RCOR1: variants seen among roughly 807,000 people sequenced by gnomAD.
RCOR1 encodes the protein REST corepressor.
RCOR1 carries 12 observed loss-of-function variants against 64.0 expected under a neutral mutation model. The ratio of observed to expected loss-of-function variants is 0.19; its 90% CI spans 0.12 to 0.30. The LOEUF is 0.30. Among genes scored for constraint, RCOR1 ranks in the 10% least tolerant of loss-of-function variants. RCOR1 has a pLI of 1.00. For synonymous variants in RCOR1, 279 were observed against 227.2 expected, an observed-to-expected ratio of 1.23 and a Z score of -2.05; for missense variants, 502 against 621.2, an observed-to-expected ratio of 0.81 and a Z score of 2.04.
At chr14:102,675,454 A>G (rs1037952914) in intron 2 of RCOR1, among the ~76,000 whole-genome samples, 3 of 152,236 alleles carry the variant, frequency 2.0e-5, no homozygotes, top group Admixed American at 6.5e-5. Flanking sequence ...AACATCGCCA[A>G]TACTTTGGGG....
intron 2 of RCOR1, among the ~76,000 whole-genome samples, chr14:102,601,743 G>A (rs1425878695): frequency 1.3e-5 from 2 of 152,178 alleles, no homozygotes; most frequent in Non-Finnish European, 2.9e-5. Context: ...GCCTAGAGTA[G>A]CCTAGCCTTG....
intron 1 of RCOR1, 31 bp downstream of exon 1, chr14:102,593,218 C>T: frequency 6.8e-7 from 1 of 1,474,456 alleles, no homozygotes; most frequent in South Asian, 1.3e-5. Context: ...CGGCCCCGGG[C>T]CCCGCGCCCC....
intron 2 of RCOR1, among the ~76,000 whole-genome samples, chr14:102,665,430 TAGGTGTATTA>T (rs1241856287): frequency 6.6e-6 from 1 of 151,964 alleles, no homozygotes; most frequent in Non-Finnish European, 1.5e-5. Flanking sequence ...CCCATTAGGT[TAGGTGTATTA>T]AGTGCATTTT....
Position 102,649,794 on chromosome 14 carries a change from A to T in RCOR1, c.362-32101A>T, listed in dbSNP as rs181045279. The T allele has an allele frequency of 2.4e-4, 237 of 984,612 alleles. 1 individual carries two copies. The East Asian group carries it at 0.019, about 80-fold the overall frequency. 61.0% of individuals were successfully genotyped at this position (984,612 alleles called of 1,614,324 possible). On this transcript the variant is annotated intron_variant, in intron 2 of 11. Coordinates refer to ENST00000262241, the MANE Select transcript of RCOR1 (RefSeq NM_015156.4). ...AGCTAGAATGGGCTTTGTTTACTGTAAAAAATCTGGTTGACGAAATTGGCA... is the reference window on the plus strand; with the variant it reads ...AGCTAGAATGGGCTTTGTTTACTGTTAAAAATCTGGTTGACGAAATTGGCA...
At chr14:102,632,188 A>C (rs919695136) in intron 2 of RCOR1, among the ~76,000 whole-genome samples, 2 of 148,952 alleles carry the variant, frequency 1.3e-5, no homozygotes, top group African/African-American at 2.5e-5. Context: ...ATTGGCTTTG[A>C]ATTTCCTGAG....
intron 2 of RCOR1, among the ~76,000 whole-genome samples, chr14:102,634,870 TA>T (rs1420087276): frequency 7.0e-6 from 1 of 143,614 alleles, no homozygotes. Flanking sequence ...CTAATTTTTG[TA>T]TTTTTTTTTT....
chr14:102,714,070 A>G (rs1896013896), intron 7 of RCOR1, among the ~76,000 whole-genome samples: 1 of 152,274 alleles, frequency 6.6e-6, no homozygotes, highest in African/African-American at 2.4e-5. Context: ...TCATGTAGCT[A>G]AATACAGATG....
At chr14:102,596,311 C>T (rs573989390) in intron 2 of RCOR1, among the ~76,000 whole-genome samples, 8 of 152,230 alleles carry the variant, frequency 5.3e-5, no homozygotes, top group African/African-American at 1.7e-4. Flanking sequence ...CCATGTTGAT[C>T]AGGCTGGTCT....
chr14:102,607,153 G>A (rs1320697910), intron 2 of RCOR1, among the ~76,000 whole-genome samples: 1 of 151,960 alleles, frequency 6.6e-6, no homozygotes, highest in Non-Finnish European at 1.5e-5. Flanking sequence ...GGCTGGTCTC[G>A]AACTTCTAAC....
Position 102,592,713 on chromosome 14 carries a change from GA to G in RCOR1, c.-172del. 9 of 1,226,462 alleles carry G rather than the reference GA, an allele frequency of 7.3e-6. No individual in the cohort carries two copies. Among genetic ancestry groups the G allele is most frequent in the Non-Finnish European group, 9.1e-6 (9 of 984,630 alleles). The allele number at this position is 1,226,462 out of a possible 1,614,324, so 76.0% of individuals were successfully genotyped here. ...GCGCTCGGCTCGTCGCTGGGGGCTT[GA>G]AGCGGCTCCGCGCTCTGCCCGTTTG... On this transcript the variant is annotated 5_prime_UTR_variant, in exon 1 of 12. Coordinates refer to ENST00000262241, the MANE Select transcript of RCOR1 (RefSeq NM_015156.4).
At chr14:102,701,109 C>T (rs1323893239) in intron 3 of RCOR1, among the ~76,000 whole-genome samples, 169 bp from the exon 4 acceptor site, 1 of 152,208 alleles carries the variant, frequency 6.6e-6, no homozygotes, top group Admixed American at 6.5e-5. Flanking sequence ...TTGGGTCCCT[C>T]CTACAGCACT....
chr14:102,638,826 G>A (rs1320848612), intron 2 of RCOR1, among the ~76,000 whole-genome samples: 4 of 150,766 alleles, frequency 2.7e-5, no homozygotes, highest in Non-Finnish European at 5.9e-5. Flanking sequence ...CCACATCCGG[G>A]TAATGTTTGT....
chr14:102,657,709 G>A (rs1009738433), intron 2 of RCOR1: 4 of 376,528 alleles, frequency 1.1e-5, no homozygotes, highest in Non-Finnish European at 1.1e-5. Context: ...TTGGTGGTGC[G>A]TGCCTGTAAT....
At chr14:102,644,314 T>A (rs1173830824) in intron 2 of RCOR1, among the ~76,000 whole-genome samples, 1 of 152,202 alleles carries the variant, frequency 6.6e-6, no homozygotes, top group Non-Finnish European at 1.5e-5. Context: ...TAGGCTCCTT[T>A]CCGATGTAGT....
intron 2 of RCOR1, among the ~76,000 whole-genome samples, chr14:102,638,637 C>T (rs184120824): frequency 0.011 from 1,652 of 151,966 alleles, 14 homozygotes; most frequent in Non-Finnish European, 0.013. Flanking sequence ...TGAGCCACCT[C>T]GCCTGGCCTA....
chr14:102,666,931 C>G (rs543221056), intron 2 of RCOR1, among the ~76,000 whole-genome samples: 90 of 152,324 alleles, frequency 5.9e-4, no homozygotes, highest in African/African-American at 2.1e-3. Context: ...CCTTTCCATA[C>G]AACCCCCTTT....
At chr14:102,713,274 T>A (rs1895998650) in intron 7 of RCOR1, among the ~76,000 whole-genome samples, 1 of 144,744 alleles carries the variant, frequency 6.9e-6, no homozygotes, top group Non-Finnish European at 1.5e-5. Flanking sequence ...TTTTTTTTTT[T>A]TTGAGACGGA....
chr14:102,607,847 A>T (rs1282911942), intron 2 of RCOR1, among the ~76,000 whole-genome samples: 2 of 152,182 alleles, frequency 1.3e-5, no homozygotes, highest in African/African-American at 4.8e-5. Flanking sequence ...GTGCCACTGC[A>T]CACTAGCCTG....
chr14:102,638,786 G>T (rs1277832959), intron 2 of RCOR1, among the ~76,000 whole-genome samples: 3 of 151,970 alleles, frequency 2.0e-5, no homozygotes, highest in East Asian at 1.9e-4. Flanking sequence ...TGCTGTCTCA[G>T]TGAGTAGCTG....
Sources: gnomAD v4.1 joint callset for allele counts (sites outside exome capture counted in the v4.1 genomes callset) on GRCh38, gnomAD v4.1.1 for gene constraint, MANE v1.5 for transcripts, NCBI Gene and HGNC (gene_info 2026-07-23, HGNC 2026-07-21) for gene names.